DNAJB14: variants seen among roughly 807,000 people sequenced by gnomAD.
The protein encoded by DNAJB14 is dnaJ homolog subfamily B member 14.
DNAJB14 carries 22 observed loss-of-function variants against 48.4 expected under a neutral mutation model. That is an observed-to-expected ratio of 0.45 (90% confidence interval 0.32 to 0.65). DNAJB14 has a LOEUF of 0.65. Ranked by LOEUF, DNAJB14 falls within the 30% of genes least tolerant of loss-of-function variation. The probability of loss-of-function intolerance (pLI) is 0.03; values close to 1 mark genes in which losing one functional copy is unlikely to be tolerated. For synonymous variants in DNAJB14, 142 were observed against 158.7 expected (o/e 0.89, Z 0.79); for missense variants, 319 against 458.8 (o/e 0.70, Z 2.78).
rs750236902 is a variant in DNAJB14, at chr4:99,924,787, C to T, written c.306-1602G>A. 1.9e-6 allele frequency: 3 copies of T among 1,604,660 alleles called. No homozygotes were observed. In the Admixed American group the frequency reaches 5.0e-5, roughly 27 times the overall value. On this transcript the variant is annotated intron_variant, in intron 2 of 7. Transcript: ENST00000442697. ...TGTGTTAGGTACAGGTCCACCATCC[C>T]ATATCAATGTTCCAATATCCATAAA...
intron 2 of DNAJB14, chr4:99,927,114 G>A (rs1035228526): frequency 6.6e-6 from 1 of 152,034 alleles, no homozygotes; most frequent in Admixed American, 6.6e-5. Context: ...AGAATTAAAA[G>A]AAATTAAAAA....
At chr4:99,927,653 A>C (rs10516458) in intron 2 of DNAJB14, 1 of 152,080 alleles carries the variant, frequency 6.6e-6, no homozygotes, top group Non-Finnish European at 1.5e-5. Context: ...CGCCAAGTTT[A>C]ACAGAATATT....
At chr4:99,924,380 A>G (rs887145228) in intron 2 of DNAJB14, 1 of 166,450 alleles carries the variant, frequency 6.0e-6, no homozygotes, top group Non-Finnish European at 1.3e-5. Context: ...ATCTCAGTAA[A>G]TATTTTTGAA....
chr4:99,938,224 TA>T (rs755380158), intron 1 of DNAJB14, among the ~76,000 whole-genome samples: 1,108 of 71,636 alleles, frequency 0.015, 7 homozygotes, highest in African/African-American at 0.027. Flanking sequence ...GAGCAGAAAT[TA>T]AAAAAAAAAA....
intron 1 of DNAJB14, among the ~76,000 whole-genome samples, chr4:99,934,784 T>C (rs780584525): frequency 3.8e-5 from 2 of 52,100 alleles, no homozygotes; most frequent in African/African-American, 8.7e-5. Flanking sequence ...AGAGCAAGAC[T>C]GTCTCAAAAA....
intron 7 of DNAJB14, among the ~76,000 whole-genome samples, chr4:99,902,846 A>G (rs529907776): frequency 2.5e-4 from 38 of 152,286 alleles, no homozygotes; most frequent in South Asian, 6.2e-4. Flanking sequence ...CATGTGTAAA[A>G]TAAGTATAAT....
At chr4:99,936,762 G>A (rs1242266569) in intron 1 of DNAJB14, among the ~76,000 whole-genome samples, 3 of 152,116 alleles carry the variant, frequency 2.0e-5, no homozygotes, top group African/African-American at 7.2e-5. Context: ...AACTAAATCT[G>A]AACACAAAAA....
chr4:99,919,431 A>G (rs906074386), intron 3 of DNAJB14, among the ~76,000 whole-genome samples: 2 of 152,080 alleles, frequency 1.3e-5, no homozygotes, highest in Non-Finnish European at 2.9e-5. Context: ...AAAAATACAA[A>G]ATAATTAACT....
At chr4:99,937,600 C>T (rs1394128006) in intron 1 of DNAJB14, among the ~76,000 whole-genome samples, 1 of 151,804 alleles carries the variant, frequency 6.6e-6, no homozygotes, top group Non-Finnish European at 1.5e-5. Context: ...GTGGCATACG[C>T]CTGTAGTACC....
In DNAJB14 at chr4:99,900,948, C is replaced by A; in HGVS notation, c.*80G>T. 6.9e-7 allele frequency: 1 copy of A among 1,446,794 alleles called. No individual in the cohort carries two copies. Among genetic ancestry groups the A allele is most frequent in the Non-Finnish European group, 9.3e-7 (1 of 1,077,142 alleles). 89.6% of individuals were successfully genotyped at this position (1,446,794 alleles called of 1,614,324 possible). A position where few individuals can be genotyped will look rare whatever the true frequency, so the allele number is the denominator to read the frequency against. On this transcript the variant is annotated 3_prime_UTR_variant, in exon 8 of 8. Coordinates refer to ENST00000442697, the MANE Select transcript of DNAJB14 (RefSeq NM_001031723.4). ...TTAGTTTTCAGTATCAAATCTTTTC[C>A]TTCATCCCTCATGATGAAACCAAAC... is the stretch of plus-strand genomic sequence containing the variant.
intron 1 of DNAJB14, among the ~76,000 whole-genome samples, chr4:99,944,503 A>C (rs1351506706): frequency 6.6e-6 from 1 of 152,140 alleles, no homozygotes; most frequent in African/African-American, 2.4e-5. Flanking sequence ...AGATGAATGG[A>C]TTAACAAAAT....
intron 5 of DNAJB14, 86 bp from the exon 6 acceptor site, chr4:99,905,792 A>G (rs1288459832): frequency 4.9e-6 from 7 of 1,429,734 alleles, no homozygotes; most frequent in Non-Finnish European, 6.8e-6. Context: ...TTGAGGCAGA[A>G]AGCGCATTTG....
intron 2 of DNAJB14, among the ~76,000 whole-genome samples, chr4:99,924,105 C>G (rs1726160831): frequency 1.3e-5 from 2 of 152,098 alleles, no homozygotes; most frequent in Non-Finnish European, 2.9e-5. Context: ...CCTTCTTCCA[C>G]AACCTAGTAA....
intron 5 of DNAJB14, 38 bp from the exon 6 acceptor site, chr4:99,905,744 A>C: frequency 6.3e-7 from 1 of 1,580,374 alleles, no homozygotes. Context: ...ATTGTAATAT[A>C]ACTGTAGTTG....
intron 1 of DNAJB14, among the ~76,000 whole-genome samples, chr4:99,943,005 G>C (rs1726936507): frequency 6.6e-6 from 1 of 152,042 alleles, no homozygotes. Flanking sequence ...ATTTTATCAG[G>C]ATCTCACACA....
chr4:99,916,396 C>T (rs2110202938), intron 3 of DNAJB14, among the ~76,000 whole-genome samples: 1 of 152,228 alleles, frequency 6.6e-6, no homozygotes, highest in Non-Finnish European at 1.5e-5. Flanking sequence ...CCTTTGCCTC[C>T]CAAAGTGCTA....
At chr4:99,940,352 G>A (rs533574669) in intron 1 of DNAJB14, among the ~76,000 whole-genome samples, 14 of 152,234 alleles carry the variant, frequency 9.2e-5, no homozygotes, top group Admixed American at 7.8e-4. Flanking sequence ...CAGCACTTTG[G>A]GAGGCTGAGG....
Position 99,900,863 on chromosome 4 carries a change from C to G in DNAJB14, c.*165G>C, listed in dbSNP as rs1311202370. 2 of 531,512 alleles carry G rather than the reference C, an allele frequency of 3.8e-6. No individual in the cohort carries two copies. The highest frequency in any genetic ancestry group is 6.0e-6 in the Non-Finnish European group (2 of 335,896). The allele number at this position is 531,512 out of a possible 1,614,324, so 32.9% of individuals were successfully genotyped here. On this transcript the variant is annotated 3_prime_UTR_variant, in exon 8 of 8. Transcript: ENST00000442697. ...AATATTCCATTTTAGTTTTCAGTTA[C>G]TATTTAAAGGAGCCAGTAGGTCATA...
At chr4:99,917,590 G>A (rs527747106) in intron 3 of DNAJB14, among the ~76,000 whole-genome samples, 1 of 152,264 alleles carries the variant, frequency 6.6e-6, no homozygotes, top group African/African-American at 2.4e-5. Flanking sequence ...CTCTCCTCTT[G>A]ATATTTCAAG....
Sources: allele counts gnomAD v4.1 joint callset (sites outside exome capture counted in the v4.1 genomes callset), GRCh38; gene constraint gnomAD v4.1.1; transcripts MANE v1.5; gene names NCBI Gene and HGNC (gene_info 2026-07-23, HGNC 2026-07-21).